RGS3: variants seen among roughly 807,000 people sequenced by gnomAD.
The protein encoded by RGS3 is regulator of G-protein signalling 3.
RGS3 carries 80 observed loss-of-function variants against 132.6 expected under a neutral mutation model. That is an observed-to-expected ratio of 0.60 (90% confidence interval 0.50 to 0.73). The LOEUF (loss-of-function observed/expected upper bound fraction) is 0.73, where lower values mean the gene tolerates loss of function less well. Ranked by LOEUF, RGS3 falls within the 30% of genes least tolerant of loss-of-function variation. The pLI is 0.00. For synonymous variants in RGS3, 598 were observed against 620.6 expected, an observed-to-expected ratio of 0.96 and a Z score of 0.54; for missense variants, 1,382 against 1,530.8, an observed-to-expected ratio of 0.90 and a Z score of 1.62.
intron 6 of RGS3, among the ~76,000 whole-genome samples, chr9:113,484,439 C>T (rs557754346): frequency 2.0e-5 from 3 of 152,024 alleles, no homozygotes; most frequent in East Asian, 1.9e-4. Context: ...GGCCCAGCAG[C>T]GAGGTCCACA....
chr9:113,583,242 G>A, intron 19 of RGS3: 2 of 837,596 alleles, frequency 2.4e-6, no homozygotes, highest in Non-Finnish European at 3.6e-6. Context: ...TGTTTTTGAT[G>A]GAGCAGAAAG....
Position 113,506,540 on chromosome 9 carries a change from C to A in RGS3, c.1085+47C>A. ...CCTGGGGCCTCAGGCTGATGGCACA[C>A]CCTCCCCACCCCTGGGCACACTGCC... On this transcript the variant is annotated intron_variant, in intron 12 of 24. Transcript: ENST00000350696. The surrounding 1 kb of genome is among the most constrained non-coding windows in gnomAD (Gnocchi z 4.7). 1 of 1,250,568 alleles carries A rather than the reference C, an allele frequency of 8.0e-7. No homozygotes were observed. The highest frequency in any genetic ancestry group is 1.1e-6 in the Non-Finnish European group (1 of 872,608). The allele number at this position is 1,250,568 out of a possible 1,614,324, so 77.5% of individuals were successfully genotyped here.
intron 19 of RGS3, among the ~76,000 whole-genome samples, chr9:113,543,049 T>C (rs931782219): frequency 2.0e-5 from 3 of 152,170 alleles, no homozygotes; most frequent in Non-Finnish European, 2.9e-5. Context: ...TCTCATACTC[T>C]TATCTAACTG....
chr9:113,447,937 A>G (rs1829150046), intron 1 of RGS3, among the ~76,000 whole-genome samples: 1 of 150,070 alleles, frequency 6.7e-6, no homozygotes, highest in Admixed American at 6.7e-5. Flanking sequence ...AGATCACTGC[A>G]GCCTCGACCT....
intron 20 of RGS3, among the ~76,000 whole-genome samples, chr9:113,588,934 TAC>T (rs1339730010): frequency 6.6e-6 from 1 of 152,282 alleles, no homozygotes; most frequent in Non-Finnish European, 1.5e-5. Context: ...ATTAAAAATC[TAC>T]ACTCTTAATC....
At chr9:113,469,398 T>C (rs1829754144) in intron 3 of RGS3, among the ~76,000 whole-genome samples, 1 of 152,242 alleles carries the variant, frequency 6.6e-6, no homozygotes, top group Admixed American at 6.5e-5. Flanking sequence ...TCAGCATTTA[T>C]TGGCTTTTCT....
intron 19 of RGS3, among the ~76,000 whole-genome samples, chr9:113,576,162 T>C (rs1834512736): frequency 6.6e-6 from 1 of 151,240 alleles, no homozygotes; most frequent in East Asian, 2.0e-4. Flanking sequence ...ATCACGCCAC[T>C]GCACTCCAGC....
intron 19 of RGS3, among the ~76,000 whole-genome samples, chr9:113,550,174 C>T (rs1431534001): frequency 6.6e-6 from 1 of 152,144 alleles, no homozygotes; most frequent in Non-Finnish European, 1.5e-5. Flanking sequence ...ACCAGTCTAG[C>T]CAACATGGTG....
At chr9:113,451,911 G>T (rs914470981) in intron 1 of RGS3, among the ~76,000 whole-genome samples, 2 of 151,956 alleles carry the variant, frequency 1.3e-5, no homozygotes, top group African/African-American at 4.8e-5. Context: ...GTCAGCTTTT[G>T]TAAGTCTGAA....
At chr9:113,501,258 C>T in intron 10 of RGS3, 1 of 437,788 alleles carries the variant, frequency 2.3e-6, no homozygotes, top group Admixed American at 3.6e-5. Flanking sequence ...ACAAAGTGGC[C>T]CATGGCGGAG....
At chr9:113,583,395 TG>T (rs747853450) in intron 19 of RGS3, 54 bp from the exon 18 acceptor site, 9 of 1,585,970 alleles carry the variant, frequency 5.7e-6, no homozygotes, top group Non-Finnish European at 7.7e-6. Flanking sequence ...GCATGGTGTC[TG>T]GCATCTTGGA....
At chr9:113,534,247 G>A (rs749028800) in intron 18 of RGS3, among the ~76,000 whole-genome samples, 9 of 152,278 alleles carry the variant, frequency 5.9e-5, no homozygotes, top group East Asian at 3.9e-4. Flanking sequence ...CCTTCTTACC[G>A]TTCATGCCTT....
chr9:113,517,484 C>G (rs1482034786), intron 15 of RGS3, 57 bp from the exon 14 acceptor site: 11 of 1,431,162 alleles, frequency 7.7e-6, no homozygotes, highest in East Asian at 6.8e-5. Flanking sequence ...GCTTCCTCCC[C>G]CCGGGTCCTC....
At position 113,507,447 on chromosome 9, in the gene RGS3, G is replaced by T. The variant is rs1352149502; in HGVS notation, c.1246G>T (p.Ala416Ser). 1.2e-6 allele frequency: 2 copies of T among 1,613,878 alleles called. No homozygotes were observed. Among genetic ancestry groups the T allele is most frequent in the Non-Finnish European group, 1.7e-6 (2 of 1,180,038 alleles). ...GAAGAACTGCACCCATGGGGTCCAG[G>T]CACGGCCTGAGCAGCGCCACAGCTG... The change falls in exon 13 of 25, where the codon GCA (alanine) becomes TCA (serine). Residue 416 changes from alanine to serine, a missense_variant. Physicochemically the swap from Ala to Ser is moderately conservative, Grantham distance 99 (BLOSUM62 1). Coordinates refer to ENST00000350696, the Ensembl canonical transcript of RGS3. This position sits in a 1 kb window ranked among gnomAD's most constrained non-coding sequence, Gnocchi z 5.0.
intron 18 of RGS3, chr9:113,536,405 C>T: frequency 1.2e-6 from 1 of 858,786 alleles, no homozygotes; most frequent in Non-Finnish European, 1.4e-6. Flanking sequence ...GGGAGGGTTC[C>T]TGGCTCCACA....
chr9:113,526,057 A>G (rs1314854355), intron 17 of RGS3, among the ~76,000 whole-genome samples: 1 of 152,178 alleles, frequency 6.6e-6, no homozygotes, highest in Non-Finnish European at 1.5e-5. Context: ...GCCGGGGCCC[A>G]TTGTGGTCTC....
intron 19 of RGS3, among the ~76,000 whole-genome samples, chr9:113,558,458 G>A (rs187819864): frequency 6.6e-5 from 10 of 152,230 alleles, no homozygotes; most frequent in African/African-American, 2.4e-4. Flanking sequence ...AGCTGAGATT[G>A]TGCCATTGCA....
Position 113,563,828 on chromosome 9 carries a change from A to T in RGS3, c.2038-19622A>T, listed in dbSNP as rs536432920. Among the ~76,000 whole-genome samples, 13 of 151,458 alleles carry T rather than the reference A, an allele frequency of 8.6e-5. No homozygotes were observed. In the East Asian group the frequency reaches 2.5e-3, roughly 29 times the overall value. On this transcript the variant is annotated intron_variant, in intron 19 of 24. Coordinates refer to ENST00000350696, the Ensembl canonical transcript of RGS3. ...GTCAGGAATACAGAGTCAGAGATAGACAGGGGCAGGGATACAGGCAGAAAC... is the reference window on the plus strand; with the variant it reads ...GTCAGGAATACAGAGTCAGAGATAGTCAGGGGCAGGGATACAGGCAGAAAC...
At chr9:113,508,003 G>A (rs1831218719) in intron 13 of RGS3, among the ~76,000 whole-genome samples, 3 of 152,206 alleles carry the variant, frequency 2.0e-5, no homozygotes, top group Admixed American at 2.0e-4. Flanking sequence ...TGCATGGTGG[G>A]ATGATGGAGT....
Sources: allele counts gnomAD v4.1 joint callset (sites outside exome capture counted in the v4.1 genomes callset), GRCh38; gene constraint gnomAD v4.1.1; non-coding constraint Gnocchi (gnomAD v3.1); transcripts MANE v1.5; gene names NCBI Gene and HGNC (gene_info 2026-07-23, HGNC 2026-07-21).